GPC5: variants seen among roughly 807,000 people sequenced by gnomAD.
GPC5 encodes glypican-5.
In GPC5, 47 loss-of-function variants were observed where a neutral mutation model predicts 53.9. The observed-to-expected ratio is 0.87, with a 90% CI of 0.69 to 1.11. GPC5 has a LOEUF of 1.11. Ranked by LOEUF, GPC5 falls within the 50% of genes most tolerant of loss-of-function variation. GPC5 has a pLI of 0.00. For synonymous variants in GPC5, 286 were observed against 263.3 expected (o/e 1.09, Z -0.84); for missense variants, 748 against 713.1 (o/e 1.05, Z -0.56).
intron 7 of GPC5, among the ~76,000 whole-genome samples, chr13:92,650,590 A>G (rs920214215): frequency 2.0e-5 from 3 of 152,090 alleles, no homozygotes; most frequent in Non-Finnish European, 4.4e-5. Context: ...TTCTTGAAAA[A>G]CCACATAATA....
rs2032997772 is a variant in GPC5, at chr13:91,596,451, C to T, written c.326-96736C>T. Among the ~76,000 whole-genome samples, 3 of 152,338 alleles carry T rather than the reference C, an allele frequency of 2.0e-5. No homozygotes were observed. In the East Asian group the frequency reaches 5.8e-4, roughly 29 times the overall value. ...TGTCTTTCCTGACAATTATAATACACTGTCAATTCTGCATTGGCTTTGACG... is the reference window on the plus strand; with the variant it reads ...TGTCTTTCCTGACAATTATAATACATTGTCAATTCTGCATTGGCTTTGACG... On this transcript the variant is annotated intron_variant, in intron 2 of 7. Coordinates refer to ENST00000377067, the MANE Select transcript of GPC5 (RefSeq NM_004466.6).
intron 6 of GPC5, among the ~76,000 whole-genome samples, chr13:91,959,825 T>C (rs1322380486): frequency 6.6e-6 from 1 of 152,028 alleles, no homozygotes; most frequent in Non-Finnish European, 1.5e-5. Context: ...GCAAACGTCA[T>C]GCATCATATC....
chr13:92,404,525 T>A (rs1168317994), intron 7 of GPC5, among the ~76,000 whole-genome samples: 1 of 152,238 alleles, frequency 6.6e-6, no homozygotes, highest in Non-Finnish European at 1.5e-5. Flanking sequence ...TGCATAATAT[T>A]CCTTGTATTC....
At chr13:92,214,807 T>C (rs1473270135) in intron 7 of GPC5, among the ~76,000 whole-genome samples, 1 of 152,192 alleles carries the variant, frequency 6.6e-6, no homozygotes, top group East Asian at 1.9e-4. Flanking sequence ...AGGTGTCCAA[T>C]GCAGTCATAA....
At position 91,976,398 on chromosome 13, in the gene GPC5, G is replaced by C. The variant is rs143150149; in HGVS notation, c.1401+68341G>C. Among the ~76,000 whole-genome samples the C allele has an allele frequency of 2.1e-3, 324 of 152,326 alleles. 1 individual carries two copies. Among genetic ancestry groups the C allele is most frequent in the Non-Finnish European group, 3.9e-3 (264 of 68,024 alleles). On this transcript the variant is annotated intron_variant, in intron 6 of 7. Coordinates refer to ENST00000377067, the MANE Select transcript of GPC5 (RefSeq NM_004466.6). ...CACTGCATAGAAAGCCAATTACTGA[G>C]ACAATGAGTATTGCCAGGGAAGAAG...
chr13:91,698,880 T>C lies in GPC5; in HGVS notation c.1020+4999T>C, dbSNP rs184098768. On this transcript the variant is annotated intron_variant, in intron 3 of 7. Coordinates refer to ENST00000377067, the MANE Select transcript of GPC5 (RefSeq NM_004466.6). ...CGTGGTCATGACACTTTCACAATAA[T>C]AAGAAGGCTAATATGCCCTTTCCCT... 1.1e-4 allele frequency among the ~76,000 whole-genome samples: 17 copies of C among 152,230 alleles called. No homozygotes were observed. The East Asian group carries it at 3.3e-3, about 29-fold the overall frequency.
intron 1 of GPC5, among the ~76,000 whole-genome samples, chr13:91,400,364 T>C: frequency 6.6e-6 from 1 of 152,238 alleles, no homozygotes; most frequent in South Asian, 2.1e-4. Context: ...CTGACTCCAT[T>C]TGAGTTTACA....
chr13:92,106,161 A>G (rs1215395857), intron 6 of GPC5, among the ~76,000 whole-genome samples: 1 of 151,898 alleles, frequency 6.6e-6, no homozygotes, highest in Non-Finnish European at 1.5e-5. Context: ...TATGTGTTTA[A>G]ATTTAGAAGA....
At chr13:92,141,260 C>A (rs1487672878) in intron 6 of GPC5, among the ~76,000 whole-genome samples, 1 of 152,052 alleles carries the variant, frequency 6.6e-6, no homozygotes, top group Non-Finnish European at 1.5e-5. Context: ...TCAGGCAGAG[C>A]CTCCATGCAA....
At chr13:91,924,923 C>T (rs2039752425) in intron 6 of GPC5, among the ~76,000 whole-genome samples, 1 of 151,940 alleles carries the variant, frequency 6.6e-6, no homozygotes, top group African/African-American at 2.4e-5. Context: ...GGGTTCACCC[C>T]ATTCTCCTGC....
At chr13:92,162,396 A>C (rs1008778594) in intron 7 of GPC5, among the ~76,000 whole-genome samples, 2 of 152,198 alleles carry the variant, frequency 1.3e-5, no homozygotes, top group African/African-American at 4.8e-5. Flanking sequence ...AAGAGTAATC[A>C]GGGAAAATTA....
At chr13:92,377,210 T>A (rs780892574) in intron 7 of GPC5, among the ~76,000 whole-genome samples, 1 of 152,168 alleles carries the variant, frequency 6.6e-6, no homozygotes, top group Non-Finnish European at 1.5e-5. Flanking sequence ...GTTTTCACTA[T>A]GAAGTTTCAT....
chr13:92,115,786 A>G (rs1281566558), intron 6 of GPC5, among the ~76,000 whole-genome samples: 1 of 152,144 alleles, frequency 6.6e-6, no homozygotes, highest in Non-Finnish European at 1.5e-5. Context: ...TTTCCAGGCT[A>G]TGGGCTGATT....
intron 7 of GPC5, among the ~76,000 whole-genome samples, chr13:92,646,237 T>C (rs980148387): frequency 2.0e-5 from 3 of 152,148 alleles, no homozygotes; most frequent in African/African-American, 7.2e-5. Flanking sequence ...TCATCTTTTT[T>C]CATATGATCA....
intron 7 of GPC5, among the ~76,000 whole-genome samples, chr13:92,349,173 C>A (rs894915472): frequency 2.0e-5 from 3 of 152,118 alleles, no homozygotes; most frequent in African/African-American, 7.2e-5. Flanking sequence ...GATGGAGTTT[C>A]ACTCTTGTTG....
intron 5 of GPC5, among the ~76,000 whole-genome samples, chr13:91,881,121 G>A (rs1338185947): frequency 6.6e-6 from 1 of 151,858 alleles, no homozygotes; most frequent in Non-Finnish European, 1.5e-5. Context: ...AGGTTGTGGT[G>A]GACAAAAGTC....
rs548301992 is a variant in GPC5, at chr13:92,399,585, G to A, written c.1561+254596G>A. ...CATGACGCAGAGGCCTGTTGTTCCCGTAATGATAAAGAGTGTTGCCACATT... is the reference window on the plus strand; with the variant it reads ...CATGACGCAGAGGCCTGTTGTTCCCATAATGATAAAGAGTGTTGCCACATT... On this transcript the variant is annotated intron_variant, in intron 7 of 7. Transcript: ENST00000377067. 1.3e-4 allele frequency among the ~76,000 whole-genome samples: 20 copies of A among 152,164 alleles called. No homozygotes were observed. In the South Asian group the frequency reaches 2.1e-3, roughly 16 times the overall value.
chr13:92,866,093 A>T (rs1053374588), intron 7 of GPC5, among the ~76,000 whole-genome samples, 189 bp from the exon 8 acceptor site: 1 of 152,174 alleles, frequency 6.6e-6, no homozygotes, highest in Non-Finnish European at 1.5e-5. Context: ...ATTTTCACAC[A>T]AGAGCTTGAA....
intron 4 of GPC5, among the ~76,000 whole-genome samples, chr13:91,747,502 C>G (rs1404353629): frequency 6.6e-6 from 1 of 152,206 alleles, no homozygotes; most frequent in Non-Finnish European, 1.5e-5. Flanking sequence ...CAAAGCTGGG[C>G]ATTAGCCAGT....
Sources: allele counts gnomAD v4.1 joint callset (sites outside exome capture counted in the v4.1 genomes callset), GRCh38; gene constraint gnomAD v4.1.1; transcripts MANE v1.5; gene names NCBI Gene and HGNC (gene_info 2026-07-23, HGNC 2026-07-21).